Variants in COL18A1 observed in about 807,000 individuals in gnomAD.
COL18A1 encodes the protein collagen type XVIII alpha 1 chain.
In COL18A1, 133 loss-of-function variants were observed where a neutral mutation model predicts 168.0. The observed-to-expected ratio is 0.79, with a 90% CI of 0.69 to 0.91. The LOEUF (loss-of-function observed/expected upper bound fraction) is 0.91. COL18A1 is among the 40% of genes least tolerant of loss of function. The probability of loss-of-function intolerance (pLI) is 0.00; values close to 1 mark genes in which losing one functional copy is unlikely to be tolerated. For synonymous variants in COL18A1, 949 were observed against 809.0 expected, an observed-to-expected ratio of 1.17 and a Z score of -2.94; for missense variants, 2,126 against 1,925.4, an observed-to-expected ratio of 1.10 and a Z score of -1.95.
chr21:45,490,952 C>T (rs1315876591), intron 21 of COL18A1, 81 bp downstream of exon 21: 77 of 1,332,048 alleles, frequency 5.8e-5, no homozygotes, highest in Non-Finnish European at 7.3e-5. Context: ...GCCCCAGGTC[C>T]GTGCCCCTGC....
chr21:45,505,347 C>G lies in COL18A1; in HGVS notation c.3014-11C>G. 2 of 1,595,950 alleles carry G rather than the reference C, an allele frequency of 1.3e-6. No homozygotes were observed. Among genetic ancestry groups the G allele is most frequent in the Middle Eastern group, 1.7e-4 (1 of 5,766 alleles). ...TGGCTTCGTGTTCCCACCTTGGTTT[C>G]TCTCCTGCAGCTATCAGCGTTCCCG... is the stretch of plus-strand genomic sequence containing the variant. On this transcript the variant is annotated splice_polypyrimidine_tract_variant and intron_variant, in intron 35 of 41. Transcript: ENST00000651438.
In COL18A1 at chr21:45,509,487, C is replaced by T. The variant is rs1349673890; in HGVS notation, c.3381C>T (p.Arg1127=). The T allele has an allele frequency of 6.6e-7, 1 of 1,526,584 alleles. No individual in the cohort carries two copies. Among genetic ancestry groups the T allele is most frequent in the Non-Finnish European group, 8.8e-7 (1 of 1,133,942 alleles). 94.6% of individuals were successfully genotyped at this position (1,526,584 alleles called of 1,614,324 possible). A position where few individuals can be genotyped will look rare whatever the true frequency, so the allele number is the denominator to read the frequency against. ...ATGACATCCTGGCCAGCCCCCCTCG[C>T]CTGCCCGAGCCCCAGCCCTACCCCG... ...RADDILASPP[R]LPEPQPYPGA... is the part of the protein sequence containing the mutation. The change falls in exon 39 of 42, where the codon CGC becomes CGT. Residue 1127 remains arginine (R), a synonymous_variant. Coordinates refer to ENST00000651438, the MANE Select transcript of COL18A1 (RefSeq NM_001379500.1).
At chr21:45,482,705 G>C in intron 14 of COL18A1, 90 bp from the exon 15 acceptor site, 1 of 1,596,630 alleles carries the variant, frequency 6.3e-7, no homozygotes, top group Non-Finnish European at 8.6e-7. Flanking sequence ...GACCCGGGTC[G>C]GGGCACAGTT....
rs1277584287 is a variant in COL18A1, at chr21:45,496,373, G to T, written c.2509-127G>T. On this transcript the variant is annotated intron_variant, in intron 29 of 41. Coordinates refer to ENST00000651438, the MANE Select transcript of COL18A1 (RefSeq NM_001379500.1). ...GCCCGAGTGACCCACTGCATTCTCG[G>T]TTTTGCCTGGTCAGAGGTCTGCCTG... is the stretch of plus-strand genomic sequence containing the variant. The T allele has an allele frequency of 6.6e-6, 5 of 761,356 alleles. No individual in the cohort carries two copies. The East Asian group carries it at 1.0e-4, about 15-fold the overall frequency. 47.2% of individuals were successfully genotyped at this position (761,356 alleles called of 1,614,324 possible). A position where few individuals can be genotyped will look rare whatever the true frequency, so the allele number is the denominator to read the frequency against.
At chr21:45,420,416 C>T (rs1361609492) in intron 2 of COL18A1, 1 of 152,194 alleles carries the variant, frequency 6.6e-6, no homozygotes, top group Non-Finnish European at 1.5e-5. Flanking sequence ...ACGTCCCCTC[C>T]ACAGAAAGCG....
chr21:45,507,654 G>T, intron 38 of COL18A1, 61 bp downstream of exon 38: 1 of 1,500,158 alleles, frequency 6.7e-7, no homozygotes, highest in Non-Finnish European at 9.2e-7. Flanking sequence ...GGTATGTGCT[G>T]TCCCCTGTTT....
rs1022678135 is a variant in COL18A1 at position 45,475,530 on chromosome 21, G to A, written c.793G>A (p.Glu265Lys). The change falls in exon 5 of 42, where the codon GAG (glutamate) becomes AAG (lysine). Residue 265 changes from glutamate (E) to lysine (K), a missense_variant. Physicochemically the swap from Glu to Lys is moderately conservative, Grantham distance 56. Coordinates refer to ENST00000651438, the MANE Select transcript of COL18A1 (RefSeq NM_001379500.1). Reference sequence around the variant, plus strand: ...GGACGCCCGGGAGCTTCTCAGGGAGGAGACGGTGAGTAGCCGGACGGGGCC... The same window carrying A: ...GGACGCCCGGGAGCTTCTCAGGGAGAAGACGGTGAGTAGCCGGACGGGGCC... ...LGDARELLREETGAALKPRLP... is the reference protein window; with the variant it reads ...LGDARELLREKTGAALKPRLP... The A allele has an allele frequency of 3.1e-6, 5 of 1,606,170 alleles. No individual in the cohort carries two copies. Among genetic ancestry groups the A allele is most frequent in the South Asian group, 1.1e-5 (1 of 89,726 alleles).
At chr21:45,497,170 G>A (rs2036571341) in intron 31 of COL18A1, 78 bp downstream of exon 31, 3 of 945,280 alleles carry the variant, frequency 3.2e-6, no homozygotes, top group South Asian at 1.3e-5. Flanking sequence ...TCCCGTGCCA[G>A]CAGCAGTGAG....
chr21:45,450,925 T>G (rs138404125), intron 2 of COL18A1, among the ~76,000 whole-genome samples: 1 of 152,190 alleles, frequency 6.6e-6, no homozygotes, highest in Admixed American at 6.5e-5. Flanking sequence ...GGACACACAC[T>G]CCATGGTGGG....
chr21:45,505,249 C>T lies in COL18A1; in HGVS notation c.2984C>T (p.Pro995Leu), dbSNP rs1014617525. Reference protein sequence around the residue: ...GPPGPPGPPGPPSFPGPHRQT... With the variant: ...GPPGPPGPPGLPSFPGPHRQT... ...CCCGGCCCCCCAGGCCCCCCAGGGC[C>T]CCCTTCATTTCCTGGCCCTCACAGG... Residue 995 changes from proline to leucine, a missense_variant, in exon 35 of 42, where the codon CCC becomes CTC. Transcript: ENST00000651438. 6.2e-7 allele frequency: 1 copy of T among 1,606,784 alleles called. No homozygotes were observed. The highest frequency in any genetic ancestry group is 2.2e-5 in the East Asian group (1 of 44,766).
At chr21:45,413,885 G>T (rs996404388) in intron 2 of COL18A1, among the ~76,000 whole-genome samples, 3 of 152,230 alleles carry the variant, frequency 2.0e-5, no homozygotes, top group African/African-American at 7.2e-5. Context: ...GAGGGAGGTG[G>T]CGGACCCTCA....
chr21:45,459,781 G>A (rs2034980935), intron 2 of COL18A1, among the ~76,000 whole-genome samples: 1 of 152,146 alleles, frequency 6.6e-6, no homozygotes, highest in Non-Finnish European at 1.5e-5. Context: ...GAGCGAGCGG[G>A]GCTTGGGCTT....
At chr21:45,436,369 GC>G (rs1355864707) in intron 2 of COL18A1, among the ~76,000 whole-genome samples, 3 of 152,232 alleles carry the variant, frequency 2.0e-5, no homozygotes, top group Admixed American at 2.0e-4. Context: ...GCCTGCGTGA[GC>G]TGGGCAGGGA....
chr21:45,477,864 C>A lies in COL18A1; in HGVS notation c.1120C>A (p.Pro374Thr). 1 of 1,553,608 alleles carries A rather than the reference C, an allele frequency of 6.4e-7. No individual in the cohort carries two copies. The change falls in exon 8 of 42, where the codon CCC becomes ACC. Residue 374 changes from proline (P) to threonine (T), a missense_variant. Transcript: ENST00000651438. ...CCCGGGTCTCCCGTGCCCAGTGAGT[C>A]CCCTGGGTCCTGCAGGCCCAGCGTT... ...GPPGLPCPVS[P>T]LGPAGPALQT...
intron 2 of COL18A1, among the ~76,000 whole-genome samples, chr21:45,418,504 G>A (rs919900069): frequency 2.0e-5 from 3 of 152,122 alleles, no homozygotes; most frequent in African/African-American, 4.8e-5. Context: ...GCTCTGGGGC[G>A]GCGCTTGCCC....
In COL18A1 at chr21:45,505,130, G is replaced by T. The variant is rs368482196; in HGVS notation, c.2869-4G>T. The T allele has an allele frequency of 6.2e-7, 1 of 1,608,212 alleles. No individual in the cohort carries two copies. The highest frequency in any genetic ancestry group is 1.7e-5 in the Admixed American group (1 of 59,612). ...CAGGAAGCGTCTCTTGTCGCCGTCC[G>T]TAGGGTCCCAAGGGAGAGAGCATCC... On this transcript the variant is annotated splice_region_variant and splice_polypyrimidine_tract_variant and intron_variant, in intron 34 of 41. Coordinates refer to ENST00000651438, the MANE Select transcript of COL18A1 (RefSeq NM_001379500.1).
intron 2 of COL18A1, among the ~76,000 whole-genome samples, chr21:45,439,503 T>C (rs2034308780): frequency 6.6e-6 from 1 of 152,250 alleles, no homozygotes. Flanking sequence ...CAAAGTGAAC[T>C]TATTGGTGAA....
rs764992394 is a variant in COL18A1, at chr21:45,510,077, C to T, written c.3509C>T (p.Ala1170Val). The change falls in exon 40 of 42, where the codon GCG becomes GTG. Residue 1170 changes from alanine to valine, a missense_variant. By Grantham distance (64) the Ala-to-Val change is moderately conservative. Coordinates refer to ENST00000651438, the MANE Select transcript of COL18A1 (RefSeq NM_001379500.1). Reference sequence around the variant, plus strand: ...CTCTCCCCGCAGCTCCACCTGGTTGCGCTCAACAGCCCCCTGTCAGGCGGC... The same window carrying T: ...CTCTCCCCGCAGCTCCACCTGGTTGTGCTCAACAGCCCCCTGTCAGGCGGC... ...RDFQPVLHLVALNSPLSGGMR... is the reference protein window; with the variant it reads ...RDFQPVLHLVVLNSPLSGGMR... The T allele has an allele frequency of 8.9e-6, 14 of 1,575,164 alleles. No homozygotes were observed. The highest frequency in any genetic ancestry group is 1.2e-5 in the Non-Finnish European group (14 of 1,164,958).
Position 45,504,499 on chromosome 21 carries a change from GCCCGGCCCC to G in COL18A1, c.2823_2831del (p.Pro947_Pro949del), listed in dbSNP as rs777010917. On this transcript the variant is annotated inframe_deletion, in exon 34 of 42. Transcript: ENST00000651438. ...GCGGCGGTTTCTTCGGCTCCAGCCT[GCCCGGCCCC>G]CCCGGCCCCCCAGGCCCCCCAGGCC... The G allele has an allele frequency of 2.6e-3, 3,902 of 1,499,152 alleles. 6 individuals carry two copies. The highest frequency in any genetic ancestry group is 3.4e-3 in the Admixed American group (161 of 47,792). The allele number at this position is 1,499,152 out of a possible 1,614,324, so 92.9% of individuals were successfully genotyped here.
Sources: allele counts gnomAD v4.1 joint callset (sites outside exome capture counted in the v4.1 genomes callset), GRCh38; gene constraint gnomAD v4.1.1; transcripts MANE v1.5; gene names NCBI Gene and HGNC (gene_info 2026-07-23, HGNC 2026-07-21).